Variants in RAP1A observed in about 807,000 individuals in gnomAD.
The protein encoded by RAP1A is RAP1A, member of RAS oncogene family, also known as ras-related protein Rap-1A.
A neutral mutation model predicts 26.4 loss-of-function variants in RAP1A; 6 were observed. The ratio of observed to expected loss-of-function variants is 0.23; its 90% CI spans 0.12 to 0.45. The LOEUF is 0.45. Among genes scored for constraint, RAP1A ranks in the 20% least tolerant of loss-of-function variants. RAP1A has a pLI of 0.99. For missense variants in RAP1A, 121 were observed against 217.2 expected (o/e 0.56, Z 2.78); for synonymous variants, 73 against 79.4 (o/e 0.92, Z 0.43).
In RAP1A at chr1:111,713,702, A is replaced by G. The variant is rs1283561772; in HGVS notation, c.*1301A>G. On this transcript the variant is annotated 3_prime_UTR_variant, in exon 8 of 8. Transcript: ENST00000369709. ...GAAGAGATTGCTAAGTTAAAATTGT[A>G]GCTTCCTATATAGTGGTGCTTTTTC... is the stretch of plus-strand genomic sequence containing the variant. 1 of 152,248 alleles carries G rather than the reference A, an allele frequency of 6.6e-6. No individual in the cohort carries two copies. Among genetic ancestry groups the G allele is most frequent in the Non-Finnish European group, 1.5e-5 (1 of 68,038 alleles). 9.4% of individuals were successfully genotyped at this position (152,248 alleles called of 1,614,324 possible).
At chr1:111,594,605 C>A (rs9659724) in intron 1 of RAP1A, among the ~76,000 whole-genome samples, 54,333 of 136,490 alleles carry the variant, frequency 0.4, 10,617 homozygotes, top group Middle Eastern at 0.51. Context: ...AGGAAGGAAG[C>A]AAGGAGAGCG....
Position 111,691,342 on chromosome 1 carries a change from T to G in RAP1A, c.-19T>G, listed in dbSNP as rs748862864. 2.1e-5 allele frequency: 33 copies of G among 1,609,256 alleles called. 1 individual carries two copies. In the South Asian group the frequency reaches 3.4e-4, roughly 17 times the overall value. On this transcript the variant is annotated 5_prime_UTR_variant, in exon 2 of 8. Transcript: ENST00000369709. ...TTTTGTTTGTTTTTCAGATCGTCAG[T>G]ATTTAAACAGATCACATCATGCGTG...
chr1:111,549,097 T>G (rs74112323), intron 1 of RAP1A, among the ~76,000 whole-genome samples: 4,906 of 152,272 alleles, frequency 0.032, 240 homozygotes, highest in African/African-American at 0.11. Context: ...TTGTTGAAGA[T>G]TTGTACATCC....
chr1:111,699,644 A>G (rs548315704), intron 4 of RAP1A, among the ~76,000 whole-genome samples: 1 of 147,078 alleles, frequency 6.8e-6, no homozygotes, highest in Non-Finnish European at 1.5e-5. Flanking sequence ...TTTTTTTTTA[A>G]TTTTTTGTAG....
intron 1 of RAP1A, among the ~76,000 whole-genome samples, chr1:111,543,316 C>T (rs1171660956): frequency 1.3e-5 from 2 of 151,918 alleles, no homozygotes; most frequent in African/African-American, 4.8e-5. Context: ...AGAGAAGAAC[C>T]TGATTTTGAA....
chr1:111,574,881 G>C (rs551804448), intron 1 of RAP1A, among the ~76,000 whole-genome samples: 1 of 152,340 alleles, frequency 6.6e-6, no homozygotes, highest in South Asian at 2.1e-4. Flanking sequence ...AAATAATTAT[G>C]TGATCTGTGG....
chr1:111,622,560 T>C (rs1322552430), intron 1 of RAP1A, among the ~76,000 whole-genome samples: 1 of 152,224 alleles, frequency 6.6e-6, no homozygotes, highest in Non-Finnish European at 1.5e-5. Flanking sequence ...CCTCTCACCC[T>C]ACCTTATACT....
intron 1 of RAP1A, among the ~76,000 whole-genome samples, chr1:111,637,781 A>G (rs1050712934): frequency 1.3e-5 from 2 of 152,172 alleles, no homozygotes; most frequent in African/African-American, 4.8e-5. Flanking sequence ...GTATAGTAGT[A>G]TGTGAATTTG....
chr1:111,587,273 CT>C (rs903141215), intron 1 of RAP1A, among the ~76,000 whole-genome samples: 20 of 152,248 alleles, frequency 1.3e-4, no homozygotes, highest in Admixed American at 3.3e-4. Flanking sequence ...CACGCATTCT[CT>C]TTTTTTCCTT....
In RAP1A at chr1:111,713,638, C is replaced by T. The variant is rs1439098949; in HGVS notation, c.*1237C>T. The T allele has an allele frequency of 6.6e-6, 1 of 152,126 alleles. No homozygotes were observed. The highest frequency in any genetic ancestry group is 2.1e-4 in the South Asian group (1 of 4,832). 9.4% of individuals were successfully genotyped at this position (152,126 alleles called of 1,614,324 possible). On this transcript the variant is annotated 3_prime_UTR_variant, in exon 8 of 8. Transcript: ENST00000369709. The stretch of plus-strand genomic sequence containing the variant: ...ACATAAAAGGAATGTGTTACTTTTG[C>T]TTAAACTACTTATGAAATAGTATGG...
At chr1:111,629,706 A>G (rs941661956) in intron 1 of RAP1A, among the ~76,000 whole-genome samples, 1 of 152,178 alleles carries the variant, frequency 6.6e-6, no homozygotes, top group African/African-American at 2.4e-5. Context: ...CAGTGCTCGT[A>G]GTGTTGGGGA....
At chr1:111,680,134 G>A (rs1029442595) in intron 1 of RAP1A, among the ~76,000 whole-genome samples, 10 of 152,188 alleles carry the variant, frequency 6.6e-5, no homozygotes, top group Admixed American at 3.9e-4. Context: ...GTTCCTTCCG[G>A]TGGGTTCTTG....
In RAP1A at chr1:111,646,349, G is replaced by A. The variant is rs557729199; in HGVS notation, c.-28+26415G>A. On this transcript the variant is annotated intron_variant, in intron 1 of 7. Transcript: ENST00000369709. ...AGGAGATCCCTGCCAATTAGAGCTA[G>A]TGATGTTTTGTTCTAATTTGGAGAG... 2.0e-5 allele frequency among the ~76,000 whole-genome samples: 3 copies of A among 149,576 alleles called. No homozygotes were observed. The East Asian group carries it at 5.9e-4, about 30-fold the overall frequency.
chr1:111,708,757 G>A (rs1243343742), intron 6 of RAP1A, among the ~76,000 whole-genome samples: 3 of 152,072 alleles, frequency 2.0e-5, no homozygotes, highest in African/African-American at 7.2e-5. Flanking sequence ...GATTCAGAAA[G>A]TGTGTGTGTG....
At chr1:111,607,995 C>T in intron 1 of RAP1A, 1 of 128,644 alleles carries the variant, frequency 7.8e-6, no homozygotes, top group Non-Finnish European at 1.6e-5. Flanking sequence ...GGCGGGGGGG[C>T]TGACCCCCAC....
intron 1 of RAP1A, among the ~76,000 whole-genome samples, chr1:111,683,308 T>A (rs990660755): frequency 2.0e-5 from 3 of 151,144 alleles, no homozygotes; most frequent in Non-Finnish European, 1.5e-5. Context: ...AGACAAGAAA[T>A]AACTAAGATC....
intron 1 of RAP1A, among the ~76,000 whole-genome samples, chr1:111,638,485 G>T (rs1385041125): frequency 6.6e-6 from 1 of 151,672 alleles, no homozygotes; most frequent in African/African-American, 2.4e-5. Context: ...TCCTACCCCC[G>T]GGCTAGGGTG....
chr1:111,574,285 C>G (rs1013870782), intron 1 of RAP1A, among the ~76,000 whole-genome samples: 1 of 152,084 alleles, frequency 6.6e-6, no homozygotes, highest in African/African-American at 2.4e-5. Flanking sequence ...GGCCTTATTT[C>G]TGGGTTCTCT....
intron 1 of RAP1A, among the ~76,000 whole-genome samples, chr1:111,577,393 C>G (rs1478625529): frequency 9.5e-6 from 1 of 104,774 alleles, no homozygotes; most frequent in Non-Finnish European, 1.8e-5. Flanking sequence ...CAGAGCAAGA[C>G]TCCATCGCAA....
Sources: gnomAD v4.1 joint callset for allele counts (sites outside exome capture counted in the v4.1 genomes callset) on GRCh38, gnomAD v4.1.1 for gene constraint, MANE v1.5 for transcripts, NCBI Gene and HGNC (gene_info 2026-07-23, HGNC 2026-07-21) for gene names.